TGM1: variants seen among roughly 807,000 people sequenced by gnomAD.
The protein encoded by TGM1 is transglutaminase 1.
In TGM1, 63 loss-of-function variants were observed where a neutral mutation model predicts 88.7. That is an observed-to-expected ratio of 0.71 (90% CI 0.58 to 0.88). The LOEUF is 0.88. TGM1 is among the 40% of genes least tolerant of loss of function. The pLI, the probability that TGM1 is intolerant of heterozygous loss-of-function variation, is 0.00. For synonymous variants in TGM1, 415 were observed against 431.1 expected, an observed-to-expected ratio of 0.96 and a Z score of 0.46; for missense variants, 996 against 1,118.0, an observed-to-expected ratio of 0.89 and a Z score of 1.56.
At chr14:24,252,357 A>C (rs112031250) in intron 14 of TGM1, among the ~76,000 whole-genome samples, 24 of 152,360 alleles carry the variant, frequency 1.6e-4, no homozygotes, top group African/African-American at 4.8e-4. Context: ...CAGGTCCCCC[A>C]ACACTCAGCA....
In TGM1 at chr14:24,259,388, A is replaced by G; in HGVS notation, c.985-139T>C. 3.5e-6 allele frequency: 3 copies of G among 850,420 alleles called. No individual in the cohort carries two copies. In the South Asian group the frequency reaches 4.4e-5, roughly 12 times the overall value. 52.7% of individuals were successfully genotyped at this position (850,420 alleles called of 1,614,324 possible). ...GCCTCAGGATCCAGACACCAGCCTG[A>G]GCTCCACCCAGCCCTTCCCTCAGCC... On this transcript the variant is annotated intron_variant, in intron 6 of 14. Coordinates refer to ENST00000206765, the MANE Select transcript of TGM1 (RefSeq NM_000359.3). This position sits in a 1 kb window ranked among gnomAD's most constrained non-coding sequence, Gnocchi z 5.7.
In TGM1 at chr14:24,249,303, T is replaced by G; in HGVS notation, c.*10A>C. 1 of 1,611,780 alleles carries G rather than the reference T, an allele frequency of 6.2e-7. No homozygotes were observed. On this transcript the variant is annotated 3_prime_UTR_variant, in exon 15 of 15. Transcript: ENST00000206765. ...CATCTGACTCCAGTCCCATTGCTCCTGGCACGGGGCTAAGCTCCACCTCGA... is the reference window on the plus strand; with the variant it reads ...CATCTGACTCCAGTCCCATTGCTCCGGGCACGGGGCTAAGCTCCACCTCGA...
intron 2 of TGM1, 28 bp downstream of exon 2, chr14:24,262,006 T>C: frequency 1.2e-6 from 2 of 1,612,794 alleles, no homozygotes; most frequent in Non-Finnish European, 1.7e-6. Context: ...CTTTTAGCTC[T>C]CAGCTGAGGA....
chr14:24,254,745 G>A lies in TGM1; in HGVS notation c.2007C>T (p.Val669=). 1.2e-6 allele frequency: 2 copies of A among 1,614,084 alleles called. No individual in the cohort carries two copies. The highest frequency in any genetic ancestry group is 2.2e-5 in the South Asian group (2 of 91,092). The change falls in exon 13 of 15, where the codon GTC becomes GTT. Residue 669 remains valine (V), a synonymous_variant. Coordinates refer to ENST00000206765, the MANE Select transcript of TGM1 (RefSeq NM_000359.3). ...LVDQGAMLLN[V]SGHVKESGQV... Reference sequence around the variant, plus strand: ...GCCCGCTCTCCTTGACGTGGCCTGAGACATTGAGCAGCATGGCCCCCTGGT... The same window carrying A: ...GCCCGCTCTCCTTGACGTGGCCTGAAACATTGAGCAGCATGGCCCCCTGGT...
At position 24,254,094 on chromosome 14, in the gene TGM1, G is replaced by A. The variant is rs2040722850; in HGVS notation, c.2225+58C>T. ...GAGAGGGAGCAAAGCTGGGAGCCAGGGCAGCCTGTGGGGAAGGCCAGAGTG... is the reference window on the plus strand; with the variant it reads ...GAGAGGGAGCAAAGCTGGGAGCCAGAGCAGCCTGTGGGGAAGGCCAGAGTG... On this transcript the variant is annotated intron_variant, in intron 14 of 14. Coordinates refer to ENST00000206765, the MANE Select transcript of TGM1 (RefSeq NM_000359.3). 3 of 1,573,652 alleles carry A rather than the reference G, an allele frequency of 1.9e-6. No individual in the cohort carries two copies. The East Asian group carries it at 6.9e-5, about 36-fold the overall frequency.
chr14:24,261,146 G>C (rs2040805454), intron 3 of TGM1, among the ~76,000 whole-genome samples: 1 of 152,180 alleles, frequency 6.6e-6, no homozygotes, highest in Admixed American at 6.5e-5. Flanking sequence ...GGAAATTAAA[G>C]GATGAGGTGG....
chr14:24,255,355 G>C lies in TGM1; in HGVS notation c.1645+9C>G, dbSNP rs749246542. The C allele has an allele frequency of 1.9e-6, 3 of 1,614,214 alleles. No individual in the cohort carries two copies. Among genetic ancestry groups the C allele is most frequent in the Middle Eastern group, 1.6e-4 (1 of 6,062 alleles). ...GGGCCCAGAGCTGGCTGGGTTGGGG[G>C]AATGGTACCTTCTGGGTGCTTATAG... On this transcript the variant is annotated intron_variant, in intron 11 of 14. Coordinates refer to ENST00000206765, the MANE Select transcript of TGM1 (RefSeq NM_000359.3). The surrounding 1 kb of genome is among the most constrained non-coding windows in gnomAD (Gnocchi z 4.0).
At chr14:24,260,104 C>T (rs755774116) in intron 4 of TGM1, 46 bp from the exon 5 acceptor site, 2 of 1,539,668 alleles carry the variant, frequency 1.3e-6, no homozygotes, top group Non-Finnish European at 1.8e-6. Flanking sequence ...AGTTCTCTCC[C>T]TGGGCCTCAC....
intron 2 of TGM1, 44 bp from the exon 3 acceptor site, chr14:24,261,927 C>A: frequency 6.2e-7 from 1 of 1,610,978 alleles, no homozygotes; most frequent in Non-Finnish European, 8.5e-7. Context: ...CATGAGGAGC[C>A]CAGGCCCTTA....
In TGM1 at chr14:24,253,516, C is replaced by T. The variant is rs559603873; in HGVS notation, c.2225+636G>A. Among the ~76,000 whole-genome samples the T allele has an allele frequency of 6.8e-4, 103 of 152,226 alleles. 3 individuals carry two copies. In the South Asian group the frequency reaches 0.021, roughly 30 times the overall value. ...AGAGACACACGGGGTCTCACTCTGT[C>T]GCCCAGGCTGGAGTGCAGTGGCACA... On this transcript the variant is annotated intron_variant, in intron 14 of 14. Coordinates refer to ENST00000206765, the MANE Select transcript of TGM1 (RefSeq NM_000359.3).
chr14:24,257,747 GGAAA>G (rs538956813), intron 9 of TGM1, among the ~76,000 whole-genome samples: 169 of 152,250 alleles, frequency 1.1e-3, no homozygotes, highest in African/African-American at 3.9e-3. Flanking sequence ...ATCTATCCTG[GGAAA>G]GTCTAATGTA....
intron 14 of TGM1, among the ~76,000 whole-genome samples, chr14:24,251,460 C>A (rs1031362903): frequency 2.6e-5 from 4 of 152,112 alleles, no homozygotes; most frequent in African/African-American, 9.7e-5. Context: ...ATGTCAAGAT[C>A]TCTCCCTCCC....
rs2040789622 is a variant in TGM1 at position 24,259,714 on chromosome 14, A to G, written c.974T>C (p.Ile325Thr). 1 of 1,611,012 alleles carries G rather than the reference A, an allele frequency of 6.2e-7. No individual in the cohort carries two copies. The highest frequency in any genetic ancestry group is 1.1e-5 in the South Asian group (1 of 90,564). ...TGTGAGGGTGCTCACCATGGCAGAG[A>G]TGACCCGGGAGACATTGACTGGGTC... ...RGDPVNVSRV[I>T]SAMVNSLDDN... is the part of the protein sequence containing the mutation. Residue 325 changes from isoleucine (I) to threonine (T), a missense_variant, in exon 6 of 15, where the codon ATC becomes ACC. Coordinates refer to ENST00000206765, the MANE Select transcript of TGM1 (RefSeq NM_000359.3). This position sits in a 1 kb window ranked among gnomAD's most constrained non-coding sequence, Gnocchi z 5.7.
In TGM1 at chr14:24,259,670, A is replaced by G; in HGVS notation, c.984+34T>C. ...GGGTGTGGCGAGGCAGCAGGCACAC[A>G]CACAGTAGGACTCAGAGATGTGAGG... On this transcript the variant is annotated intron_variant, in intron 6 of 14. Transcript: ENST00000206765. The surrounding 1 kb of genome is among the most constrained non-coding windows in gnomAD (Gnocchi z 5.7). The G allele has an allele frequency of 3.2e-6, 5 of 1,566,646 alleles. No individual in the cohort carries two copies. The highest frequency in any genetic ancestry group is 4.4e-6 in the Non-Finnish European group (5 of 1,145,160).
At chr14:24,262,973 G>C (rs1484560400) in intron 1 of TGM1, 116 bp downstream of exon 1, 1 of 158,828 alleles carries the variant, frequency 6.3e-6, no homozygotes, top group East Asian at 1.8e-4. Flanking sequence ...GAACAGCCTA[G>C]CTGGGGCTGA....
intron 14 of TGM1, among the ~76,000 whole-genome samples, chr14:24,253,427 C>G (rs923404129): frequency 6.6e-6 from 1 of 151,958 alleles, no homozygotes; most frequent in Non-Finnish European, 1.5e-5. Flanking sequence ...TCCAAAACTT[C>G]GCTTGTGTGT....
At chr14:24,251,894 G>A (rs4982881) in intron 14 of TGM1, among the ~76,000 whole-genome samples, 1 of 152,158 alleles carries the variant, frequency 6.6e-6, no homozygotes, top group Admixed American at 6.5e-5. Context: ...CCCTAAGAAG[G>A]CAGACTGACC....
At chr14:24,260,096 T>G (rs1447354160) in intron 4 of TGM1, 38 bp from the exon 5 acceptor site, 1 of 1,578,510 alleles carries the variant, frequency 6.3e-7, no homozygotes. Context: ...TTCCCTCCAG[T>G]TCTCTCCCTG....
rs748970601 is a variant in TGM1 at position 24,254,735 on chromosome 14, C to T, written c.2017G>A (p.Val673Ile). ...GAMLLNVSGH[V>I]KESGQVLAKQ... ...GCCAGCACCTGCCCGCTCTCCTTGA[C>T]GTGGCCTGAGACATTGAGCAGCATG... is the stretch of plus-strand genomic sequence containing the variant. Residue 673 changes from valine (V) to isoleucine (I), a missense_variant, in exon 13 of 15, where the codon GTC becomes ATC. Physicochemically the swap from Val to Ile is conservative, Grantham distance 29 (BLOSUM62 3). Coordinates refer to ENST00000206765, the MANE Select transcript of TGM1 (RefSeq NM_000359.3). The T allele has an allele frequency of 2.4e-5, 39 of 1,613,954 alleles. No individual in the cohort carries two copies. The highest frequency in any genetic ancestry group is 2.4e-4 in the South Asian group (22 of 91,092).
Sources: allele counts gnomAD v4.1 joint callset (sites outside exome capture counted in the v4.1 genomes callset), GRCh38; gene constraint gnomAD v4.1.1; non-coding constraint Gnocchi (gnomAD v3.1); transcripts MANE v1.5; gene names NCBI Gene and HGNC (gene_info 2026-07-23, HGNC 2026-07-21).